The following EIF4G1 variants were observed in gnomAD, a reference collection of about 807,000 sequenced individuals.
The protein encoded by EIF4G1 is EIF4-gamma.
EIF4G1 carries 4 observed loss-of-function variants against 187.8 expected under a neutral mutation model. That is an observed-to-expected ratio of 0.02 (90% confidence interval 0.01 to 0.05). EIF4G1 has a LOEUF of 0.05. EIF4G1 is among the 10% of genes least tolerant of loss of function. The pLI, the probability that EIF4G1 is intolerant of heterozygous loss-of-function variation, is 1.00. For synonymous variants in EIF4G1, 844 were observed against 781.4 expected (o/e 1.08, Z -1.34); for missense variants, 1,647 against 2,081.1 (o/e 0.79, Z 4.06).
rs757009813 is a variant in EIF4G1, at chr3:184,321,306, T to C, written c.722T>C (p.Ile241Thr). 1.8e-5 allele frequency: 29 copies of C among 1,614,044 alleles called. No individual in the cohort carries two copies. The South Asian group carries it at 3.1e-4, about 17-fold the overall frequency. Residue 241 changes from isoleucine to threonine, a missense_variant, in exon 10 of 33, where the codon ATT (isoleucine) becomes ACT (threonine). This residue lies in a region of EIF4G1 where 522 missense variants were observed against 485.2 expected (regional missense o/e 1.08). Transcript: ENST00000346169. ...GATGACCGGTCACAGGGAGCAATCA[T>C]TGCTGACCGGCCAGGGCTGCCTGGC... ...RPDDRSQGAI[I>T]ADRPGLPGPE...
chr3:184,330,154 A>AT (rs1237978190), intron 28 of EIF4G1, among the ~76,000 whole-genome samples: 1 of 152,164 alleles, frequency 6.6e-6, no homozygotes, highest in African/African-American at 2.4e-5. Flanking sequence ...AGGTGGGTGG[A>AT]TCACGTGAGG....
chr3:184,327,756 C>T, intron 25 of EIF4G1, 52 bp downstream of exon 25: 2 of 1,613,398 alleles, frequency 1.2e-6, no homozygotes, highest in South Asian at 2.2e-5. Flanking sequence ...AGGGATCATG[C>T]TGGCAGGCAT....
chr3:184,319,387 T>G, intron 6 of EIF4G1: 1 of 448,686 alleles, frequency 2.2e-6, no homozygotes, highest in Admixed American at 3.4e-5. Context: ...GTCCTCCTGG[T>G]CACTGGTGTG....
chr3:184,328,917 C>T lies in EIF4G1; in HGVS notation c.4088C>T (p.Thr1363Ile), dbSNP rs1415299799. ...TTTTTCTCTTCTTGTAGGGAGATTA[C>T]AAAGCCTCTGAGACCGTTGGGCAAA... is the stretch of plus-strand genomic sequence containing the variant. ...VPMGELFREI[T>I]KPLRPLGKAA... The change falls in exon 28 of 33, where the codon ACA (threonine) becomes ATA (isoleucine). Residue 1363 changes from threonine (T) to isoleucine (I), a missense_variant. This residue lies in a region of EIF4G1 where 543 missense variants were observed against 638.0 expected (regional missense o/e 0.85). Transcript: ENST00000346169. 11 of 1,614,034 alleles carry T rather than the reference C, an allele frequency of 6.8e-6. No homozygotes were observed. The highest frequency in any genetic ancestry group is 8.5e-6 in the Non-Finnish European group (10 of 1,180,026).
chr3:184,315,391 T>G (rs1302401862), intron 1 of EIF4G1, 98 bp from the exon 2 acceptor site: 2 of 528,018 alleles, frequency 3.8e-6, no homozygotes, highest in Admixed American at 3.9e-5. Flanking sequence ...GCTCCGTTCG[T>G]GATCCGGGAG....
Position 184,323,889 on chromosome 3 carries a change from A to G in EIF4G1, c.2384A>G (p.Lys795Arg). 1 of 1,614,222 alleles carries G rather than the reference A, an allele frequency of 6.2e-7. No homozygotes were observed. The highest frequency in any genetic ancestry group is 8.5e-7 in the Non-Finnish European group (1 of 1,180,036). Residue 795 changes from lysine (K) to arginine (R), a missense_variant, in exon 16 of 33, where the codon AAA (lysine) becomes AGA (arginine). By Grantham distance (26) the Lys-to-Arg change is conservative. Around this residue, in one of 11 missense-constraint regions of EIF4G1, gnomAD observed 36 missense variants for 87.6 expected, o/e 0.41. Coordinates refer to ENST00000346169, the MANE Select transcript of EIF4G1 (RefSeq NM_198241.3). The surrounding 1 kb of genome is among the most constrained non-coding windows in gnomAD (Gnocchi z 6.9). ...GCCATCGACACCGAGGAACGCCTCAAAGGGGTCATTGACCTCATTTTTGAG... is the reference window on the plus strand; with the variant it reads ...GCCATCGACACCGAGGAACGCCTCAGAGGGGTCATTGACCTCATTTTTGAG... The part of the protein sequence containing the change: ...QLAIDTEERL[K>R]GVIDLIFEKA...
intron 8 of EIF4G1, 61 bp from the exon 9 acceptor site, chr3:184,320,866 C>T (rs747933654): frequency 1.2e-6 from 2 of 1,610,828 alleles, no homozygotes; most frequent in South Asian, 2.2e-5. Flanking sequence ...AGAAATGGCT[C>T]TAGTAAAGAA....
rs1253625908 is a variant in EIF4G1 at position 184,317,961 on chromosome 3, T to C, written c.424+145T>C. The C allele has an allele frequency of 4.3e-6, 3 of 701,992 alleles. No individual in the cohort carries two copies. In the East Asian group the frequency reaches 8.2e-5, roughly 19 times the overall value. The allele number at this position is 701,992 out of a possible 1,614,324, so 43.5% of individuals were successfully genotyped here. On this transcript the variant is annotated intron_variant, in intron 6 of 32. Transcript: ENST00000346169. ...TTAATAGGTGGTAGGGATTGGTGCT[T>C]AATATTTAACTGGTGTTGATTGTGG...
intron 7 of EIF4G1, among the ~76,000 whole-genome samples, chr3:184,320,135 C>T (rs958612042): frequency 1.3e-5 from 2 of 151,794 alleles, no homozygotes; most frequent in Admixed American, 6.6e-5. Context: ...CCCCCTGCCC[C>T]CCCAGTCCTG....
rs768015986 is a variant in EIF4G1 at position 184,334,768 on chromosome 3, G to T, written c.4660G>T (p.Val1554Leu). ...CTTTGACGCACTGTATGACGAGGAC[G>T]TGGTGAAGGAGGATGCCTTCTACAG... Reference protein sequence around the residue: ...MFFDALYDEDVVKEDAFYSWE... With the variant: ...MFFDALYDEDLVKEDAFYSWE... Residue 1554 changes from valine to leucine, a missense_variant, in exon 33 of 33, where the codon GTG becomes TTG. Physicochemically the swap from Val to Leu is conservative, Grantham distance 32 (BLOSUM62 1). Around this residue, in one of 11 missense-constraint regions of EIF4G1, gnomAD observed 543 missense variants for 638.0 expected, o/e 0.85. Coordinates refer to ENST00000346169, the MANE Select transcript of EIF4G1 (RefSeq NM_198241.3). The surrounding 1 kb of genome is among the most constrained non-coding windows in gnomAD (Gnocchi z 5.8). 6.2e-7 allele frequency: 1 copy of T among 1,614,224 alleles called. No individual in the cohort carries two copies. The highest frequency in any genetic ancestry group is 8.5e-7 in the Non-Finnish European group (1 of 1,180,038).
At chr3:184,318,412 T>C (rs1277784043) in intron 6 of EIF4G1, among the ~76,000 whole-genome samples, 2 of 151,994 alleles carry the variant, frequency 1.3e-5, no homozygotes, top group African/African-American at 2.4e-5. Context: ...AGGCCAGGAG[T>C]TTGAGACCAG....
Position 184,322,437 on chromosome 3 carries a change from A to G in EIF4G1, c.1595A>G (p.Asp532Gly). 6.2e-7 allele frequency: 1 copy of G among 1,614,212 alleles called. No individual in the cohort carries two copies. Residue 532 changes from aspartate to glycine, a missense_variant, in exon 11 of 33, where the codon GAT (aspartate) becomes GGT (glycine). Physicochemically the swap from Asp to Gly is moderately conservative, Grantham distance 94. Around this residue, in one of 11 missense-constraint regions of EIF4G1, gnomAD observed 522 missense variants for 485.2 expected, o/e 1.08. Coordinates refer to ENST00000346169, the MANE Select transcript of EIF4G1 (RefSeq NM_198241.3). ...NKKEAVGDLL[D>G]AFKEANPAVP... ...AAGGAGGCTGTTGGAGACCTTCTGGATGCCTTCAAGGAGGTAAGGGAGCAG... is the reference window on the plus strand; with the variant it reads ...AAGGAGGCTGTTGGAGACCTTCTGGGTGCCTTCAAGGAGGTAAGGGAGCAG...
Position 184,332,014 on chromosome 3 carries a change from T to C in EIF4G1, c.4546T>C (p.Cys1516Arg). The C allele has an allele frequency of 6.2e-7, 1 of 1,614,172 alleles. No individual in the cohort carries two copies. The highest frequency in any genetic ancestry group is 1.3e-5 in the African/African-American group (1 of 75,012). ...ARAKLLQKYL[C>R]DEQKELQALY... is the part of the protein sequence containing the mutation. ...AGCGAAGCTGCTGCAGAAATACCTG[T>C]GTGACGAGCAGAAGGAGCTACAGGC... The change falls in exon 32 of 33, where the codon TGT (cysteine) becomes CGT (arginine). Residue 1516 changes from cysteine (C) to arginine (R), a missense_variant. Physicochemically the swap from Cys to Arg is radical, Grantham distance 180. This residue lies in a region of EIF4G1 where 543 missense variants were observed against 638.0 expected (regional missense o/e 0.85). Coordinates refer to ENST00000346169, the MANE Select transcript of EIF4G1 (RefSeq NM_198241.3).
chr3:184,334,660 G>T lies in EIF4G1; in HGVS notation c.4619-67G>T. On this transcript the variant is annotated intron_variant, in intron 32 of 32. Coordinates refer to ENST00000346169, the MANE Select transcript of EIF4G1 (RefSeq NM_198241.3). This position sits in a 1 kb window ranked among gnomAD's most constrained non-coding sequence, Gnocchi z 5.8. The stretch of plus-strand genomic sequence containing the variant: ...TTGTTTGAACAGTGGAACTTGGGAG[G>T]GTTCCCTGGGGTGGGCTGGGGTGGC... 1 of 1,602,520 alleles carries T rather than the reference G, an allele frequency of 6.2e-7. No homozygotes were observed. The highest frequency in any genetic ancestry group is 1.1e-5 in the South Asian group (1 of 90,508).
In EIF4G1 at chr3:184,317,739, C is replaced by T; in HGVS notation, c.347C>T (p.Pro116Leu). Reference sequence around the variant, plus strand: ...CAGGGGCGTTCCACATACGTTGTCCCGACACAGCAGTACCCTGTGCAGCCA... The same window carrying T: ...CAGGGGCGTTCCACATACGTTGTCCTGACACAGCAGTACCCTGTGCAGCCA... ...PGQGRSTYVVPTQQYPVQPGA... is the reference protein window; with the variant it reads ...PGQGRSTYVVLTQQYPVQPGA... The change falls in exon 6 of 33, where the codon CCG becomes CTG. Residue 116 changes from proline (P) to leucine (L), a missense_variant. Physicochemically the swap from Pro to Leu is moderately conservative, Grantham distance 98. This residue lies in a region of EIF4G1 where 139 missense variants were observed against 187.3 expected (regional missense o/e 0.74). Transcript: ENST00000346169. 2.5e-6 allele frequency: 4 copies of T among 1,614,080 alleles called. No homozygotes were observed. The highest frequency in any genetic ancestry group is 2.5e-6 in the Non-Finnish European group (3 of 1,180,016).
Position 184,325,361 on chromosome 3 carries a change from G to A in EIF4G1, c.2949G>A (p.Leu983=), listed in dbSNP as rs946303294. 1 of 1,614,230 alleles carries A rather than the reference G, an allele frequency of 6.2e-7. No homozygotes were observed. Residue 983 remains leucine, a synonymous_variant, in exon 19 of 33, where the codon CTG becomes CTA. Transcript: ENST00000346169. This position sits in a 1 kb window ranked among gnomAD's most constrained non-coding sequence, Gnocchi z 5.2. ...TCCGCTTTATGCTGCAGGACGTGCT[G>A]GATCTGCGAGGGGTGTGTGTCCCCC... ...SRIRFMLQDV[L]DLRGSNWVPR... is the part of the protein sequence containing the mutation.
chr3:184,321,660 A>T lies in EIF4G1; in HGVS notation c.1076A>T (p.His359Leu). The T allele has an allele frequency of 1.9e-6, 3 of 1,605,938 alleles. No homozygotes were observed. The highest frequency in any genetic ancestry group is 2.6e-6 in the Non-Finnish European group (3 of 1,175,032). The change falls in exon 10 of 33, where the codon CAT (histidine) becomes CTT (leucine). Residue 359 changes from histidine to leucine, a missense_variant. His to Leu is a moderately conservative substitution (Grantham distance 99). Coordinates refer to ENST00000346169, the MANE Select transcript of EIF4G1 (RefSeq NM_198241.3). The stretch of plus-strand genomic sequence containing the variant: ...TTGGCATCTCACACAGTGGAAATTC[A>T]TGAGCCTAATGGCATGGTCCCATCT... ...TPLASHTVEI[H>L]EPNGMVPSED...
chr3:184,326,884 C>T lies in EIF4G1; in HGVS notation c.3329C>T (p.Ser1110Leu). 1 of 1,614,194 alleles carries T rather than the reference C, an allele frequency of 6.2e-7. No individual in the cohort carries two copies. Among genetic ancestry groups the T allele is most frequent in the Admixed American group, 1.7e-5 (1 of 60,026 alleles). ...TACGGATTTTCTGCATCCCCAGCAT[C>T]AGAAGCTGCTCGCCCAGCTACTAGT... ...GSGAKPSDAA[S>L]EAARPATSTL... The change falls in exon 23 of 33, where the codon TCA (serine) becomes TTA (leucine). Residue 1110 changes from serine to leucine, a missense_variant. Transcript: ENST00000346169.
chr3:184,325,800 G>A lies in EIF4G1; in HGVS notation c.3122-51G>A, dbSNP rs751139529. The A allele has an allele frequency of 1.9e-6, 3 of 1,613,430 alleles. No homozygotes were observed. Among genetic ancestry groups the A allele is most frequent in the South Asian group, 1.1e-5 (1 of 91,068 alleles). On this transcript the variant is annotated intron_variant, in intron 20 of 32. Transcript: ENST00000346169. The surrounding 1 kb of genome is among the most constrained non-coding windows in gnomAD (Gnocchi z 5.2). Reference sequence around the variant, plus strand: ...AGGCTGGGGGTGGCCCAAGGGGAAGGGGCTGCTAGGATTTATTCATTATTC... The same window carrying A: ...AGGCTGGGGGTGGCCCAAGGGGAAGAGGCTGCTAGGATTTATTCATTATTC...
Sources: gnomAD v4.1 joint callset for allele counts (sites outside exome capture counted in the v4.1 genomes callset) on GRCh38, gnomAD v4.1.1 for gene constraint, gnomAD v4.1.1 regional missense constraint, Gnocchi (gnomAD v3.1) non-coding constraint, MANE v1.5 for transcripts, NCBI Gene and HGNC (gene_info 2026-07-23, HGNC 2026-07-21) for gene names.